The following TENT5D variants were observed in gnomAD, a reference collection of about 807,000 sequenced individuals.
The protein encoded by TENT5D is terminal nucleotidyltransferase 5D.
For missense variants in TENT5D, 191 were observed against 287.0 expected (o/e 0.67, Z 2.42); for synonymous variants, 103 against 100.6 (o/e 1.02, Z -0.15).
chrX:80,424,232 C>A (rs765201122), intron 1 of TENT5D, among the ~76,000 whole-genome samples: 102 of 111,035 alleles, frequency 9.2e-4, no homozygotes, highest in South Asian at 2.3e-3. Context: ...GCTTGATAGC[C>A]GTTAGATGAG....
chrX:80,341,780 C>T (rs1271921539), intron 2 of TENT5D, among the ~76,000 whole-genome samples: 2 of 100,309 alleles, frequency 2.0e-5, no homozygotes, highest in Non-Finnish European at 4.0e-5. Flanking sequence ...GGCGCGATCT[C>T]GGCTCACTGC....
At chrX:80,393,470 GATT>G (rs1931177596) in intron 3 of TENT5D, among the ~76,000 whole-genome samples, 1 of 110,596 alleles carries the variant, frequency 9.0e-6, no homozygotes, top group Non-Finnish European at 1.9e-5. Flanking sequence ...GGTACAATGT[GATT>G]ATATAATTTT....
chrX:80,401,628 A>G (rs902137210), intron 3 of TENT5D, among the ~76,000 whole-genome samples: 2 of 111,550 alleles, frequency 1.8e-5, no homozygotes, highest in Non-Finnish European at 3.8e-5. Context: ...AAGGATGGTG[A>G]ATTTTGTCAT....
At chrX:80,347,326 C>T (rs1208825701) in intron 3 of TENT5D, among the ~76,000 whole-genome samples, 1 of 112,044 alleles carries the variant, frequency 8.9e-6, no homozygotes, top group African/African-American at 3.2e-5. Flanking sequence ...TCTCCACATC[C>T]TTAACCAGCA....
intron 3 of TENT5D, among the ~76,000 whole-genome samples, chrX:80,368,793 C>T (rs780101359): frequency 8.9e-6 from 1 of 111,993 alleles, no homozygotes; most frequent in Non-Finnish European, 1.9e-5. Flanking sequence ...CAGTCAGTGA[C>T]ACTGAAGATG....
At chrX:80,430,341 T>C (rs1196208943) in intron 1 of TENT5D, among the ~76,000 whole-genome samples, 1 of 111,147 alleles carries the variant, frequency 9.0e-6, no homozygotes, top group Non-Finnish European at 1.9e-5. Context: ...AGGGGTTTCT[T>C]GGGTGTTACA....
chrX:80,369,531 G>T (rs1930578033), intron 3 of TENT5D, among the ~76,000 whole-genome samples: 1 of 111,873 alleles, frequency 8.9e-6, no homozygotes, highest in African/African-American at 3.2e-5. Flanking sequence ...ATGTCAATTG[G>T]TAAGTTCCAA....
intron 1 of TENT5D, among the ~76,000 whole-genome samples, chrX:80,435,231 A>G (rs1395561173): frequency 8.9e-6 from 1 of 112,193 alleles, no homozygotes; most frequent in Non-Finnish European, 1.9e-5. Flanking sequence ...AATCATAATT[A>G]CACAATAATA....
chrX:80,406,406 G>A (rs1371146436), intron 3 of TENT5D, among the ~76,000 whole-genome samples: 1 of 107,632 alleles, frequency 9.3e-6, no homozygotes, highest in Non-Finnish European at 1.9e-5. Context: ...AGTGCTTAAA[G>A]GAGCTGATGG....
intron 3 of TENT5D, among the ~76,000 whole-genome samples, chrX:80,373,510 A>G (rs1358649923): frequency 9.0e-6 from 1 of 111,586 alleles, no homozygotes; most frequent in East Asian, 2.8e-4. Flanking sequence ...CGTCATTTCC[A>G]TTGTTCTTTT....
intron 3 of TENT5D, among the ~76,000 whole-genome samples, chrX:80,396,933 C>T (rs867569084): frequency 2.9e-4 from 25 of 87,608 alleles, no homozygotes; most frequent in South Asian, 6.7e-4. Context: ...CCAGACGGGG[C>T]GGCTGGCCGG....
intron 2 of TENT5D, 29 bp from the exon 3 acceptor site, chrX:80,442,493 T>G: frequency 9.4e-7 from 1 of 1,063,039 alleles, no homozygotes; most frequent in Non-Finnish European, 1.3e-6. Context: ...GCTAACATAT[T>G]TCTTCCCAAT....
intron 2 of TENT5D, among the ~76,000 whole-genome samples, chrX:80,337,228 C>T (rs1436232952): frequency 9.0e-6 from 1 of 110,942 alleles, no homozygotes; most frequent in Non-Finnish European, 1.9e-5. Context: ...ATATTGAATA[C>T]CTATAAAATA....
At chrX:80,352,720 C>CAAAAAAAA (rs1189877322) in intron 3 of TENT5D, among the ~76,000 whole-genome samples, 6 of 19,908 alleles carry the variant, frequency 3.0e-4, no homozygotes, top group Admixed American at 6.1e-4. Context: ...AGCAAACAAA[C>CAAAAAAAA]AAAAAAAAAA....
At chrX:80,402,231 G>T (rs1383903232) in intron 3 of TENT5D, among the ~76,000 whole-genome samples, 6 of 111,273 alleles carry the variant, frequency 5.4e-5, no homozygotes, top group Non-Finnish European at 1.1e-4. Flanking sequence ...TATTTCTGTG[G>T]TGTCAGTTTT....
intron 2 of TENT5D, among the ~76,000 whole-genome samples, chrX:80,340,334 A>G (rs1163058127): frequency 9.0e-6 from 1 of 111,118 alleles, no homozygotes; most frequent in Admixed American, 9.7e-5. Flanking sequence ...AAAGGACTAT[A>G]CTACTCTGGA....
chrX:80,382,295 A>G (rs1365676011), intron 3 of TENT5D, among the ~76,000 whole-genome samples: 1 of 112,082 alleles, frequency 8.9e-6, no homozygotes, highest in African/African-American at 3.2e-5. Context: ...AGGCTGCAGA[A>G]TAGCAAATAT....
chrX:80,409,225 C>T (rs912930519), intron 3 of TENT5D, among the ~76,000 whole-genome samples: 47 of 111,194 alleles, frequency 4.2e-4, no homozygotes, highest in African/African-American at 1.2e-3. Flanking sequence ...TCCTATTCAA[C>T]GTACTGTTGG....
chrX:80,343,393 T>TC (rs1294807033), intron 3 of TENT5D, among the ~76,000 whole-genome samples: 1 of 83,883 alleles, frequency 1.2e-5, no homozygotes, highest in East Asian at 3.4e-4. Flanking sequence ...TTTTATTTCT[T>TC]TTTTTTTTTT....
Sources: gnomAD v4.1 joint callset for allele counts (sites outside exome capture counted in the v4.1 genomes callset) on GRCh38, gnomAD v4.1.1 for gene constraint, MANE v1.5 for transcripts, NCBI Gene and HGNC (gene_info 2026-07-23, HGNC 2026-07-21) for gene names.